RPS6KC1: variants seen among roughly 807,000 people sequenced by gnomAD.
RPS6KC1 encodes inactive ribosomal protein S6 kinase delta-1.
Under a neutral mutation model 103.8 loss-of-function variants are expected in RPS6KC1, and 54 were observed. That is an observed-to-expected ratio of 0.52 (90% CI 0.42 to 0.65). The LOEUF (loss-of-function observed/expected upper bound fraction) is 0.65, where lower values mean the gene tolerates loss of function less well. Ranked by LOEUF, RPS6KC1 falls within the 30% of genes least tolerant of loss-of-function variation. The pLI is 0.00. For synonymous variants in RPS6KC1, 439 were observed against 438.7 expected (o/e 1.00, Z -0.01); for missense variants, 1,151 against 1,253.8 (o/e 0.92, Z 1.24).
At chr1:213,695,291 G>A in the RPS6KC1 span, among the ~76,000 whole-genome samples, 1 of 152,216 alleles carries the variant, frequency 6.6e-6, no homozygotes, top group Non-Finnish European at 1.5e-5. Context: ...GAAATGTCTT[G>A]GGAGTAGGAG....
the RPS6KC1 span, among the ~76,000 whole-genome samples, chr1:213,531,464 G>T: frequency 6.6e-6 from 1 of 152,150 alleles, no homozygotes; most frequent in Non-Finnish European, 1.5e-5. Flanking sequence ...AGACAGGTGT[G>T]GTTACCCCCA....
chr1:213,652,547 A>G, the RPS6KC1 span, among the ~76,000 whole-genome samples: 465 of 152,320 alleles, frequency 3.1e-3, 12 homozygotes, highest in Admixed American at 0.027. Context: ...TGGGATGCTC[A>G]TGGGATTTGT....
the RPS6KC1 span, among the ~76,000 whole-genome samples, chr1:213,416,713 A>C: frequency 2.0e-5 from 3 of 152,174 alleles, no homozygotes; most frequent in Admixed American, 6.5e-5. Flanking sequence ...GGGGTCTGCT[A>C]TGCTGGGCGA....
At chr1:213,104,278 A>G (rs1020180586) in intron 3 of RPS6KC1, among the ~76,000 whole-genome samples, 176 bp from the exon 4 acceptor site, 1 of 152,132 alleles carries the variant, frequency 6.6e-6, no homozygotes, top group African/African-American at 2.4e-5. Flanking sequence ...TTTCTTTTCT[A>G]CTGAGAGTAC....
At chr1:213,139,753 A>T (rs1335504127) in intron 6 of RPS6KC1, among the ~76,000 whole-genome samples, 4 of 152,006 alleles carry the variant, frequency 2.6e-5, no homozygotes, top group Non-Finnish European at 5.9e-5. Context: ...ATAGCCTTGT[A>T]GTATATTTGA....
At chr1:213,831,082 A>G in the RPS6KC1 span, among the ~76,000 whole-genome samples, 6 of 152,108 alleles carry the variant, frequency 3.9e-5, no homozygotes, top group Admixed American at 3.9e-4. Context: ...GAAAGTTAAG[A>G]TTCTTCCTTC....
At chr1:213,520,021 A>G in the RPS6KC1 span, among the ~76,000 whole-genome samples, 1 of 152,198 alleles carries the variant, frequency 6.6e-6, no homozygotes, top group Non-Finnish European at 1.5e-5. Flanking sequence ...AAGGATTAAC[A>G]TCTTTATCTT....
chr1:213,396,524 C>T, the RPS6KC1 span, among the ~76,000 whole-genome samples: 14 of 152,324 alleles, frequency 9.2e-5, no homozygotes, highest in Non-Finnish European at 1.5e-4. Flanking sequence ...CACGTGTGGA[C>T]GGCCTCCCCT....
At chr1:213,175,695 C>CT (rs34770799) in intron 7 of RPS6KC1, among the ~76,000 whole-genome samples, 4,257 of 152,110 alleles carry the variant, frequency 0.028, 191 homozygotes, top group African/African-American at 0.097. Context: ...TTTTTTAAAT[C>CT]TTTTTTGTAG....
the RPS6KC1 span, among the ~76,000 whole-genome samples, chr1:213,647,180 T>G: frequency 0.035 from 5,299 of 152,108 alleles, 125 homozygotes; most frequent in African/African-American, 0.056. Context: ...CATAGTGCTG[T>G]GATTACAGGT....
At chr1:213,740,441 G>T in the RPS6KC1 span, among the ~76,000 whole-genome samples, 1 of 151,992 alleles carries the variant, frequency 6.6e-6, no homozygotes, top group East Asian at 1.9e-4. Flanking sequence ...TAAAATATTA[G>T]CACAGTTAAC....
At chr1:213,531,387 C>G in the RPS6KC1 span, among the ~76,000 whole-genome samples, 3 of 152,212 alleles carry the variant, frequency 2.0e-5, no homozygotes, top group African/African-American at 7.2e-5. Context: ...AGCACCTACT[C>G]TGTGTCAGGC....
the RPS6KC1 span, chr1:213,820,934 C>G: frequency 6.6e-6 from 1 of 152,304 alleles, no homozygotes; most frequent in Non-Finnish European, 1.5e-5. Context: ...AAAACACCCG[C>G]TCCCCAAGCA....
At chr1:213,798,979 C>T in the RPS6KC1 span, among the ~76,000 whole-genome samples, 1 of 152,142 alleles carries the variant, frequency 6.6e-6, no homozygotes, top group African/African-American at 2.4e-5. Context: ...ATTCTCTGGT[C>T]CCTCCCAATT....
intron 1 of RPS6KC1, among the ~76,000 whole-genome samples, chr1:213,068,911 G>GTA (rs2078611978): frequency 9.5e-6 from 1 of 105,164 alleles, no homozygotes; most frequent in African/African-American, 3.8e-5. Context: ...GTGTGTGTGT[G>GTA]TGTATGCCGA....
the RPS6KC1 span, among the ~76,000 whole-genome samples, chr1:213,592,018 T>A: frequency 1.3e-5 from 2 of 152,210 alleles, no homozygotes; most frequent in African/African-American, 4.8e-5. Flanking sequence ...AGCTAAGGTT[T>A]GTCTGCAGGA....
the RPS6KC1 span, among the ~76,000 whole-genome samples, chr1:213,677,744 A>C: frequency 6.6e-6 from 1 of 152,170 alleles, no homozygotes; most frequent in African/African-American, 2.4e-5. Context: ...GTGGTGGCTC[A>C]TACCTGTAAT....
chr1:213,052,343 T>G (rs1269186839), intron 1 of RPS6KC1, among the ~76,000 whole-genome samples: 2 of 152,236 alleles, frequency 1.3e-5, no homozygotes, highest in African/African-American at 4.8e-5. Flanking sequence ...AGAAATAGAT[T>G]AAAGCAAGTT....
At chr1:213,195,691 A>G (rs2092919996) in intron 8 of RPS6KC1, among the ~76,000 whole-genome samples, 1 of 152,114 alleles carries the variant, frequency 6.6e-6, no homozygotes, top group African/African-American at 2.4e-5. Flanking sequence ...GCTCCTACTT[A>G]TAAGTGAGAA....
Sources: allele counts gnomAD v4.1 joint callset (sites outside exome capture counted in the v4.1 genomes callset), GRCh38; gene constraint gnomAD v4.1.1; transcripts MANE v1.5; gene names NCBI Gene and HGNC (gene_info 2026-07-23, HGNC 2026-07-21).